The following TENM3 variants were observed in gnomAD, a reference collection of about 807,000 sequenced individuals.
TENM3 encodes the protein teneurin transmembrane protein 3.
TENM3 carries 63 observed loss-of-function variants against 255.1 expected under a neutral mutation model. That is an observed-to-expected ratio of 0.25 (90% CI 0.20 to 0.30). The LOEUF (loss-of-function observed/expected upper bound fraction) is 0.30, where lower values mean the gene tolerates loss of function less well. Among genes scored for constraint, TENM3 ranks in the 10% least tolerant of loss-of-function variants. The pLI is 1.00. For synonymous variants in TENM3, 1,306 were observed against 1,322.3 expected, an observed-to-expected ratio of 0.99 and a Z score of 0.27; for missense variants, 2,929 against 3,461.1, an observed-to-expected ratio of 0.85 and a Z score of 3.86.
chr4:181,592,461 C>A, the TENM3 span, among the ~76,000 whole-genome samples: 1 of 151,606 alleles, frequency 6.6e-6, no homozygotes, highest in Non-Finnish European at 1.5e-5. Context: ...GACAGAGGAC[C>A]GGTCGCGAAG....
the TENM3 span, among the ~76,000 whole-genome samples, chr4:182,027,458 C>T: frequency 2.0e-5 from 3 of 151,648 alleles, no homozygotes; most frequent in Non-Finnish European, 4.4e-5. Context: ...TTTGAATGCC[C>T]TTTTTTTTCC....
At chr4:182,085,006 A>G in the TENM3 span, 1 of 152,218 alleles carries the variant, frequency 6.6e-6, no homozygotes, top group Non-Finnish European at 1.5e-5. Context: ...ATACACTGGA[A>G]CTGCCTGAGA....
At chr4:182,796,229 G>C (rs947451634) in intron 26 of TENM3, among the ~76,000 whole-genome samples, 3 of 152,212 alleles carry the variant, frequency 2.0e-5, no homozygotes, top group Non-Finnish European at 4.4e-5. Context: ...AATCGCTTTG[G>C]AGAGCTAATA....
intron 1 of TENM3, among the ~76,000 whole-genome samples, chr4:182,268,307 A>C (rs867758405): frequency 6.6e-6 from 1 of 152,138 alleles, no homozygotes; most frequent in Non-Finnish European, 1.5e-5. Context: ...CTTACCATAC[A>C]TGCTTTCTGA....
chr4:182,100,822 C>T, the TENM3 span, among the ~76,000 whole-genome samples: 5,429 of 10,352 alleles, frequency 0.52, 1,634 homozygotes, highest in Non-Finnish European at 0.6. Flanking sequence ...TATATATACA[C>T]ATATATATAT....
intron 5 of TENM3, among the ~76,000 whole-genome samples, chr4:182,634,555 G>T (rs996310609): frequency 2.0e-5 from 3 of 152,058 alleles, no homozygotes; most frequent in African/African-American, 4.8e-5. Context: ...CTTTTGAGTT[G>T]CTGTGCCTTT....
the TENM3 span, among the ~76,000 whole-genome samples, chr4:182,003,171 C>A: frequency 6.6e-6 from 1 of 152,034 alleles, no homozygotes; most frequent in East Asian, 1.9e-4. Flanking sequence ...GACTAAGTAC[C>A]CACATTTACT....
At chr4:182,376,692 A>G (rs549325048) in intron 3 of TENM3, among the ~76,000 whole-genome samples, 3 of 152,032 alleles carry the variant, frequency 2.0e-5, no homozygotes, top group South Asian at 4.1e-4. Flanking sequence ...AACCGGAGTC[A>G]GTGTACAGAA....
At chr4:181,894,874 ATT>A in the TENM3 span, among the ~76,000 whole-genome samples, 11 of 152,168 alleles carry the variant, frequency 7.2e-5, no homozygotes, top group Non-Finnish European at 1.2e-4. Context: ...ATGCATGCAT[ATT>A]TATGCACACA....
intron 1 of TENM3, among the ~76,000 whole-genome samples, chr4:182,282,915 A>C (rs1760484978): frequency 6.6e-6 from 1 of 151,642 alleles, no homozygotes; most frequent in Non-Finnish European, 1.5e-5. Flanking sequence ...AAAAAAAAAA[A>C]ATTTATAGTT....
At chr4:182,504,609 C>T (rs988645990) in intron 3 of TENM3, among the ~76,000 whole-genome samples, 1 of 152,194 alleles carries the variant, frequency 6.6e-6, no homozygotes, top group Non-Finnish European at 1.5e-5. Context: ...CGAATTAGTT[C>T]TTATTCGCAT....
rs572949461 is a variant in TENM3 at position 182,701,427 on chromosome 4, A to T, written c.2222-12660A>T. On this transcript the variant is annotated intron_variant, in intron 12 of 27. Coordinates refer to ENST00000511685, the MANE Select transcript of TENM3 (RefSeq NM_001080477.4). The stretch of plus-strand genomic sequence containing the variant: ...AGTAGAGACGAGGTTTCCTCGTGTT[A>T]GCCAGGATGGTCTCAAGCTCCTGAC... Among the ~76,000 whole-genome samples, 35 of 151,822 alleles carry T rather than the reference A, an allele frequency of 2.3e-4. No homozygotes were observed. In the South Asian group the frequency reaches 7.3e-3, roughly 32 times the overall value.
At chr4:181,893,442 A>G in the TENM3 span, among the ~76,000 whole-genome samples, 1 of 150,558 alleles carries the variant, frequency 6.6e-6, no homozygotes, top group Non-Finnish European at 1.5e-5. Flanking sequence ...TCTAAGACAC[A>G]TTTCAAAAAT....
At chr4:182,237,556 C>T (rs1756976625) in intron 1 of TENM3, among the ~76,000 whole-genome samples, 1 of 151,954 alleles carries the variant, frequency 6.6e-6, no homozygotes, top group Admixed American at 6.6e-5. Flanking sequence ...CTTTGAGAGG[C>T]CGAGGCGGGC....
At chr4:182,539,689 C>T (rs1188236815) in intron 3 of TENM3, among the ~76,000 whole-genome samples, 1 of 152,214 alleles carries the variant, frequency 6.6e-6, no homozygotes, top group East Asian at 1.9e-4. Context: ...CTATTAACTT[C>T]ATTCCTTCAT....
At chr4:181,473,168 AAATG>A in the TENM3 span, among the ~76,000 whole-genome samples, 1 of 152,224 alleles carries the variant, frequency 6.6e-6, no homozygotes, top group Non-Finnish European at 1.5e-5. Flanking sequence ...TAAAAAATCA[AAATG>A]AATGTAAAAA....
chr4:181,980,472 A>C, the TENM3 span: 1 of 152,234 alleles, frequency 6.6e-6, no homozygotes, highest in Admixed American at 6.5e-5. Context: ...TTTTGGGGGA[A>C]GGTCAAAAAT....
chr4:182,760,898 T>C (rs1763133903), intron 22 of TENM3, among the ~76,000 whole-genome samples: 1 of 152,198 alleles, frequency 6.6e-6, no homozygotes, highest in African/African-American at 2.4e-5. Context: ...GCGCATGTGC[T>C]ACGCCTAAGC....
the TENM3 span, among the ~76,000 whole-genome samples, chr4:181,720,594 T>C: frequency 6.6e-6 from 1 of 152,204 alleles, no homozygotes; most frequent in African/African-American, 2.4e-5. Flanking sequence ...GTGGCATGTG[T>C]ACATTTAAAA....
Sources: allele counts gnomAD v4.1 joint callset (sites outside exome capture counted in the v4.1 genomes callset), GRCh38; gene constraint gnomAD v4.1.1; transcripts MANE v1.5; gene names NCBI Gene and HGNC (gene_info 2026-07-23, HGNC 2026-07-21).